The following NELL1 variants were observed in gnomAD, a reference collection of about 807,000 sequenced individuals.
NELL1 encodes the protein neural EGFL like 1, also known as protein kinase C-binding protein NELL1.
In NELL1, 76 loss-of-function variants were observed where a neutral mutation model predicts 107.4. The ratio of observed to expected loss-of-function variants is 0.71; its 90% CI spans 0.59 to 0.86. NELL1 has a LOEUF of 0.86. Among genes scored for constraint, NELL1 ranks in the 40% least tolerant of loss-of-function variants. The probability of loss-of-function intolerance (pLI) is 0.00; values close to 1 mark genes in which losing one functional copy is unlikely to be tolerated. For missense variants in NELL1, 1,024 were observed against 1,005.5 expected (o/e 1.02, Z -0.25); for synonymous variants, 353 against 341.2 (o/e 1.03, Z -0.38).
At chr11:20,773,688 G>A (rs1286422263) in intron 2 of NELL1, 1 of 151,910 alleles carries the variant, frequency 6.6e-6, no homozygotes, top group Admixed American at 6.6e-5. Flanking sequence ...AGTAGAGATG[G>A]GGTTTTGCAA....
intron 5 of NELL1, among the ~76,000 whole-genome samples, chr11:20,903,099 C>T (rs181768058): frequency 5.7e-4 from 86 of 151,980 alleles, no homozygotes; most frequent in Admixed American, 3.1e-3. Flanking sequence ...CATAAATATT[C>T]AAAATGTTTA....
At chr11:21,303,544 T>G (rs995369865) in intron 14 of NELL1, among the ~76,000 whole-genome samples, 16 of 152,202 alleles carry the variant, frequency 1.1e-4, no homozygotes, top group African/African-American at 3.8e-4. Context: ...AATATAACTC[T>G]TATGCACTGT....
At chr11:21,355,682 C>A (rs1850916629) in intron 14 of NELL1, among the ~76,000 whole-genome samples, 1 of 152,214 alleles carries the variant, frequency 6.6e-6, no homozygotes, top group Non-Finnish European at 1.5e-5. Flanking sequence ...ATACTCCTCA[C>A]TCCTAAGTTC....
intron 3 of NELL1, among the ~76,000 whole-genome samples, chr11:20,800,469 A>G (rs1230695602): frequency 1.3e-5 from 2 of 151,620 alleles, no homozygotes; most frequent in Admixed American, 6.6e-5. Context: ...CTTTTAATAT[A>G]TATTTGTTGG....
chr11:21,276,229 A>T (rs900377435), intron 14 of NELL1, among the ~76,000 whole-genome samples: 2 of 152,230 alleles, frequency 1.3e-5, no homozygotes, highest in Non-Finnish European at 2.9e-5. Flanking sequence ...CAATGTGCAA[A>T]AATCACAAGC....
intron 3 of NELL1, among the ~76,000 whole-genome samples, chr11:20,834,734 C>T (rs1009626071): frequency 6.6e-6 from 1 of 151,894 alleles, no homozygotes; most frequent in Admixed American, 6.6e-5. Flanking sequence ...AAAAAAAACC[C>T]ACCCTAACTT....
At chr11:20,977,405 C>T (rs1311072872) in intron 12 of NELL1, among the ~76,000 whole-genome samples, 1 of 151,830 alleles carries the variant, frequency 6.6e-6, no homozygotes, top group Non-Finnish European at 1.5e-5. Flanking sequence ...GCTGGGACTA[C>T]AGGCATCTGC....
chr11:21,100,413 C>T (rs11025915), intron 12 of NELL1, among the ~76,000 whole-genome samples: 3,300 of 152,306 alleles, frequency 0.022, 89 homozygotes, highest in South Asian at 0.15. Context: ...TTTTTTATCA[C>T]TGGATACAGA....
At chr11:20,790,131 TC>T in intron 3 of NELL1, among the ~76,000 whole-genome samples, 1 of 152,282 alleles carries the variant, frequency 6.6e-6, no homozygotes, top group South Asian at 2.1e-4. Context: ...CATCAGGCCC[TC>T]CCTGGCCTGA....
chr11:21,302,875 G>A (rs1267300582), intron 14 of NELL1, among the ~76,000 whole-genome samples: 1 of 151,606 alleles, frequency 6.6e-6, no homozygotes, highest in Non-Finnish European at 1.5e-5. Flanking sequence ...GGGCAGTATA[G>A]TGAGACCCTA....
rs1379965713 is a variant in NELL1 at position 21,128,614 on chromosome 11, T to A, written c.1426+14900T>A. ...AGCTATGTCACCCTCAAGCAGATCGTCCATTTAATTGGTTATAATAAAAAT... is the reference window on the plus strand; with the variant it reads ...AGCTATGTCACCCTCAAGCAGATCGACCATTTAATTGGTTATAATAAAAAT... On this transcript the variant is annotated intron_variant, in intron 13 of 19. Coordinates refer to ENST00000357134, the MANE Select transcript of NELL1 (RefSeq NM_006157.5). Among the ~76,000 whole-genome samples, 4 of 152,150 alleles carry A rather than the reference T, an allele frequency of 2.6e-5. No homozygotes were observed. In the East Asian group the frequency reaches 7.7e-4, roughly 29 times the overall value.
intron 2 of NELL1, among the ~76,000 whole-genome samples, chr11:20,740,914 C>G (rs1052761643): frequency 1.3e-5 from 2 of 152,110 alleles, no homozygotes; most frequent in Non-Finnish European, 2.9e-5. Flanking sequence ...CTGGGCACCA[C>G]CATGCCCAGC....
At chr11:21,233,176 A>G (rs992617531) in intron 14 of NELL1, among the ~76,000 whole-genome samples, 1 of 152,102 alleles carries the variant, frequency 6.6e-6, no homozygotes, top group South Asian at 2.1e-4. Context: ...CTTCTTTTGG[A>G]TGGAAAATAC....
At chr11:20,726,392 C>G (rs1167647524) in intron 2 of NELL1, among the ~76,000 whole-genome samples, 1 of 152,106 alleles carries the variant, frequency 6.6e-6, no homozygotes, top group Non-Finnish European at 1.5e-5. Flanking sequence ...ACTGTATAGT[C>G]AGTCTCTGGA....
At chr11:20,914,424 C>T (rs903624760) in intron 5 of NELL1, among the ~76,000 whole-genome samples, 1 of 152,018 alleles carries the variant, frequency 6.6e-6, no homozygotes. Context: ...TGGTTGAAAG[C>T]GTTATCAGTA....
intron 2 of NELL1, among the ~76,000 whole-genome samples, chr11:20,696,081 G>A (rs965609388): frequency 1.3e-5 from 2 of 152,114 alleles, no homozygotes; most frequent in African/African-American, 2.4e-5. Context: ...GATGTGTATA[G>A]TAGTCTCTGA....
chr11:21,054,503 C>A (rs1263237136), intron 12 of NELL1, among the ~76,000 whole-genome samples: 1 of 151,910 alleles, frequency 6.6e-6, no homozygotes, highest in Non-Finnish European at 1.5e-5. Context: ...TCTTCTTAAA[C>A]CTCAGCTGAT....
intron 12 of NELL1, among the ~76,000 whole-genome samples, chr11:21,029,223 C>T (rs576692599): frequency 6.6e-6 from 1 of 152,278 alleles, no homozygotes; most frequent in South Asian, 2.1e-4. Flanking sequence ...GACTCAAATA[C>T]AGAAGTATGG....
chr11:21,286,919 A>G (rs1166214959), intron 14 of NELL1, among the ~76,000 whole-genome samples: 4 of 152,068 alleles, frequency 2.6e-5, no homozygotes, highest in Non-Finnish European at 5.9e-5. Context: ...ATACCGCTAC[A>G]CTTTTTTATC....
Sources: allele counts gnomAD v4.1 joint callset (sites outside exome capture counted in the v4.1 genomes callset), GRCh38; gene constraint gnomAD v4.1.1; transcripts MANE v1.5; gene names NCBI Gene and HGNC (gene_info 2026-07-23, HGNC 2026-07-21).